Variants in PIK3R5 observed in about 807,000 individuals in gnomAD.
PIK3R5 encodes the protein phosphoinositide 3-kinase regulatory subunit 5.
Under a neutral mutation model 94.9 loss-of-function variants are expected in PIK3R5, and 32 were observed. The observed-to-expected ratio is 0.34, with a 90% CI of 0.25 to 0.45. The LOEUF is 0.45. Among genes scored for constraint, PIK3R5 ranks in the 20% least tolerant of loss-of-function variants. PIK3R5 has a pLI of 1.00. For synonymous variants in PIK3R5, 443 were observed against 479.4 expected (o/e 0.92, Z 0.99); for missense variants, 853 against 1,144.6 (o/e 0.75, Z 3.68).
In PIK3R5 at chr17:8,909,057, T is replaced by A. The variant is rs771209550; in HGVS notation, c.204+17A>T. ...GCCGACCCCAGATCTGCCCTTCAAT[T>A]CCTGACTCCCCCTCACCTCTCGGGT... On this transcript the variant is annotated intron_variant, in intron 3 of 18. Transcript: ENST00000447110. This position sits in a 1 kb window ranked among gnomAD's most constrained non-coding sequence, Gnocchi z 4.3. The A allele has an allele frequency of 6.5e-7, 1 of 1,531,908 alleles. No individual in the cohort carries two copies. Among genetic ancestry groups the A allele is most frequent in the East Asian group, 2.3e-5 (1 of 43,658 alleles). 94.9% of individuals were successfully genotyped at this position (1,531,908 alleles called of 1,614,324 possible).
intron 1 of PIK3R5, among the ~76,000 whole-genome samples, chr17:8,953,181 T>C (rs1466780354): frequency 6.6e-6 from 1 of 152,118 alleles, no homozygotes; most frequent in Non-Finnish European, 1.5e-5. Flanking sequence ...CTTCCACAAG[T>C]CCCCACCATC....
Position 8,904,745 on chromosome 17 carries a change from C to G in PIK3R5, c.412+32G>C. 1.2e-6 allele frequency: 2 copies of G among 1,611,536 alleles called. No homozygotes were observed. Among genetic ancestry groups the G allele is most frequent in the Non-Finnish European group, 1.7e-6 (2 of 1,178,132 alleles). ...TGGAAGCATTCTGACCTTCTGAGCC[C>G]TGTCCCCCGTGCCAGCTGCCTCAGT... On this transcript the variant is annotated intron_variant, in intron 5 of 18. Transcript: ENST00000447110. The surrounding 1 kb of genome is among the most constrained non-coding windows in gnomAD (Gnocchi z 5.1).
Position 8,886,262 on chromosome 17 carries a change from G to T in PIK3R5, c.2095C>A (p.His699Asn). The T allele has an allele frequency of 6.2e-7, 1 of 1,613,550 alleles. No individual in the cohort carries two copies. Among genetic ancestry groups the T allele is most frequent in the South Asian group, 1.1e-5 (1 of 91,066 alleles). ...EIFIHSLELG[H>N]SAATRAIKAS... ...TTGATGGCACGTGTGGCAGCGGAGT[G>T]ACCCAGCTCCAAGGAGTGGATGAAG... Residue 699 changes from histidine to asparagine, a missense_variant, in exon 14 of 19, where the codon CAC becomes AAC. His to Asn is a moderately conservative substitution (Grantham distance 68). Around this residue, in one of 6 missense-constraint regions of PIK3R5, gnomAD observed 173 missense variants for 274.1 expected, o/e 0.63. Coordinates refer to ENST00000447110, the MANE Select transcript of PIK3R5 (RefSeq NM_001142633.3).
Position 8,884,651 on chromosome 17 carries a change from G to T in PIK3R5, c.2205+56C>A. 1 of 1,392,282 alleles carries T rather than the reference G, an allele frequency of 7.2e-7. No homozygotes were observed. Among genetic ancestry groups the T allele is most frequent in the Non-Finnish European group, 1.0e-6 (1 of 981,966 alleles). The allele number at this position is 1,392,282 out of a possible 1,614,324, so 86.2% of individuals were successfully genotyped here. A position where few individuals can be genotyped will look rare whatever the true frequency, so the allele number is the denominator to read the frequency against. On this transcript the variant is annotated intron_variant, in intron 15 of 18. Coordinates refer to ENST00000447110, the MANE Select transcript of PIK3R5 (RefSeq NM_001142633.3). This position sits in a 1 kb window ranked among gnomAD's most constrained non-coding sequence, Gnocchi z 5.8. The stretch of plus-strand genomic sequence containing the variant: ...TCCAGCTCTGGGTCCAAGCTCTGGC[G>T]GAGGAAGTATCAGCAGCAGATCCTG...
intron 1 of PIK3R5, among the ~76,000 whole-genome samples, chr17:8,920,204 C>T (rs766567891): frequency 2.0e-5 from 3 of 152,086 alleles, no homozygotes; most frequent in Non-Finnish European, 4.4e-5. Flanking sequence ...TCTTAACACA[C>T]ACATCTCACC....
chr17:8,885,229 C>T lies in PIK3R5; in HGVS notation c.2129-446G>A, dbSNP rs2089789871. On this transcript the variant is annotated intron_variant, in intron 14 of 18. Coordinates refer to ENST00000447110, the MANE Select transcript of PIK3R5 (RefSeq NM_001142633.3). ...CCCGACCTCCCATGTAACCCCCCTT[C>T]CCATGGTCCTGCCTCCCGGTAACCG... is the stretch of plus-strand genomic sequence containing the variant. The T allele has an allele frequency of 2.7e-5, 6 of 224,148 alleles. No homozygotes were observed. In the South Asian group the frequency reaches 2.8e-4, roughly 11 times the overall value. 13.9% of individuals were successfully genotyped at this position (224,148 alleles called of 1,614,324 possible).
At chr17:8,886,407 C>G in intron 13 of PIK3R5, 70 bp downstream of exon 13, 3 of 1,602,606 alleles carry the variant, frequency 1.9e-6, no homozygotes, top group Non-Finnish European at 2.6e-6. Flanking sequence ...GCTGGCTCTC[C>G]CGGGGCAGGG....
rs1331941740 is a variant in PIK3R5, at chr17:8,887,875, C to T, written c.1617-192G>A. Among the ~76,000 whole-genome samples, 4 of 151,110 alleles carry T rather than the reference C, an allele frequency of 2.6e-5. No individual in the cohort carries two copies. The East Asian group carries it at 7.8e-4, about 29-fold the overall frequency. On this transcript the variant is annotated intron_variant, in intron 10 of 18. Coordinates refer to ENST00000447110, the MANE Select transcript of PIK3R5 (RefSeq NM_001142633.3). ...AATTAGTCAGGTGTGGTGGTGTGCA[C>T]CTGTAATCCCAGCTACTCGGGAGGC...
chr17:8,900,391 G>A (rs902658052), intron 5 of PIK3R5, among the ~76,000 whole-genome samples: 3 of 152,152 alleles, frequency 2.0e-5, no homozygotes, highest in African/African-American at 4.8e-5. Flanking sequence ...GTATATTTAC[G>A]TATGTGTGAG....
intron 5 of PIK3R5, among the ~76,000 whole-genome samples, chr17:8,895,207 G>A (rs1242321604): frequency 1.3e-5 from 2 of 152,104 alleles, no homozygotes; most frequent in Non-Finnish European, 2.9e-5. Context: ...CTACCATAGC[G>A]GAGACAAACA....
In PIK3R5 at chr17:8,927,029, C is replaced by A. The variant is rs771269836; in HGVS notation, c.-13-15522G>T. ...TATATATAAAACTAACATAAGAGAC[C>A]CTGAAAGAGAGAGAGAAGGCACACA... is the stretch of plus-strand genomic sequence containing the variant. On this transcript the variant is annotated intron_variant, in intron 1 of 18. Coordinates refer to ENST00000447110, the MANE Select transcript of PIK3R5 (RefSeq NM_001142633.3). Among the ~76,000 whole-genome samples, 5 of 151,748 alleles carry A rather than the reference C, an allele frequency of 3.3e-5. No individual in the cohort carries two copies. In the East Asian group the frequency reaches 5.8e-4, roughly 18 times the overall value.
chr17:8,885,996 CCTTCCCGTGGCCCCACCTCCCGTATCCCT>C (rs2089837356), intron 14 of PIK3R5, among the ~76,000 whole-genome samples: 2 of 151,440 alleles, frequency 1.3e-5, no homozygotes, highest in African/African-American at 4.9e-5. Flanking sequence ...GGTAACCCTA[CCTTCCCGTGGCCCCACCTCCCGTATCCCT>C]GCCTCCCCAG....
At chr17:8,931,785 G>A (rs545620872) in intron 1 of PIK3R5, among the ~76,000 whole-genome samples, 1 of 152,168 alleles carries the variant, frequency 6.6e-6, no homozygotes, top group Non-Finnish European at 1.5e-5. Context: ...ACAGTGCTGG[G>A]AGACATTGGA....
rs1191020408 is a variant in PIK3R5 at position 8,896,557 on chromosome 17, C to T, written c.413-2902G>A. Among the ~76,000 whole-genome samples, 1 of 152,198 alleles carries T rather than the reference C, an allele frequency of 6.6e-6. No individual in the cohort carries two copies. Among genetic ancestry groups the T allele is most frequent in the Non-Finnish European group, 1.5e-5 (1 of 68,042 alleles). ...GAACGGGGTGAGTGGGCAGAACACA[C>T]TCATAGTGAAGTTCAAACTCCTGGC... On this transcript the variant is annotated intron_variant, in intron 5 of 18. Transcript: ENST00000447110. This position sits in a 1 kb window ranked among gnomAD's most constrained non-coding sequence, Gnocchi z 4.0.
At chr17:8,926,435 C>T (rs1289613109) in intron 1 of PIK3R5, among the ~76,000 whole-genome samples, 1 of 152,120 alleles carries the variant, frequency 6.6e-6, no homozygotes, top group Non-Finnish European at 1.5e-5. Flanking sequence ...CATTTTCATG[C>T]TGCTGATAAA....
At chr17:8,965,288 T>C (rs1230861337) in intron 1 of PIK3R5, among the ~76,000 whole-genome samples, 9 of 152,196 alleles carry the variant, frequency 5.9e-5, no homozygotes, top group African/African-American at 1.9e-4. Flanking sequence ...GGGCGTCCTG[T>C]GTCAGAGGCA....
In PIK3R5 at chr17:8,917,581, C is replaced by T. The variant is rs150064189; in HGVS notation, c.-13-6074G>A. Among the ~76,000 whole-genome samples, 783 of 152,170 alleles carry T rather than the reference C, an allele frequency of 5.1e-3. 6 individuals carry two copies. Among genetic ancestry groups the T allele is most frequent in the African/African-American group, 0.018 (738 of 41,532 alleles). On this transcript the variant is annotated intron_variant, in intron 1 of 18. Coordinates refer to ENST00000447110, the MANE Select transcript of PIK3R5 (RefSeq NM_001142633.3). The stretch of plus-strand genomic sequence containing the variant: ...ATGTGAGTTAAAAATTCTAAAAGTT[C>T]GGGGCCGGGCATGGTGACTCATGCC...
chr17:8,934,517 C>G (rs2091039372), intron 1 of PIK3R5, among the ~76,000 whole-genome samples: 1 of 152,026 alleles, frequency 6.6e-6, no homozygotes, highest in Admixed American at 6.6e-5. Flanking sequence ...CAATGCAATC[C>G]CAGTCAATAT....
intron 1 of PIK3R5, among the ~76,000 whole-genome samples, chr17:8,914,343 T>C (rs1214260704): frequency 6.6e-6 from 1 of 152,182 alleles, no homozygotes; most frequent in Non-Finnish European, 1.5e-5. Context: ...GAGGACTTTT[T>C]ATTTTCAAAT....
Sources: gnomAD v4.1 joint callset for allele counts (sites outside exome capture counted in the v4.1 genomes callset) on GRCh38, gnomAD v4.1.1 for gene constraint, gnomAD v4.1.1 regional missense constraint, Gnocchi (gnomAD v3.1) non-coding constraint, MANE v1.5 for transcripts, NCBI Gene and HGNC (gene_info 2026-07-23, HGNC 2026-07-21) for gene names.